Variants in SLC12A6 observed in about 807,000 individuals in gnomAD.
SLC12A6 encodes solute carrier family 12 member 6.
Under a neutral mutation model 135.3 loss-of-function variants are expected in SLC12A6, and 66 were observed. The ratio of observed to expected loss-of-function variants is 0.49; its 90% confidence interval spans 0.40 to 0.60. SLC12A6 has a LOEUF of 0.60. SLC12A6 is among the 20% of genes least tolerant of loss of function. The pLI is 0.00. For missense variants in SLC12A6, 1,058 were observed against 1,452.3 expected (o/e 0.73, Z 4.41); for synonymous variants, 513 against 508.8 (o/e 1.01, Z -0.11).
chr15:34,332,237 G>C (rs11631094), intron 2 of SLC12A6, among the ~76,000 whole-genome samples: 291 of 152,050 alleles, frequency 1.9e-3, no homozygotes, highest in African/African-American at 6.6e-3. Flanking sequence ...ATTAACGGAT[G>C]CTTTTTCTCT....
rs539435287 is a variant in SLC12A6 at position 34,281,892 on chromosome 15, A to G, written c.272-6503T>C. ...AGTGCATACAAAAAGTTAATTCTTTATGTTTCTACACTACCTCATAAAGGA... is the reference window on the plus strand; with the variant it reads ...AGTGCATACAAAAAGTTAATTCTTTGTGTTTCTACACTACCTCATAAAGGA... On this transcript the variant is annotated intron_variant, in intron 2 of 25. Transcript: ENST00000354181. Among the ~76,000 whole-genome samples the G allele has an allele frequency of 2.9e-3, 447 of 152,312 alleles. 3 individuals are homozygous for G. Among genetic ancestry groups the G allele is most frequent in the Non-Finnish European group, 4.8e-3 (329 of 68,042 alleles).
At chr15:34,289,941 G>A (rs934111302) in intron 2 of SLC12A6, among the ~76,000 whole-genome samples, 2 of 152,010 alleles carry the variant, frequency 1.3e-5, no homozygotes, top group African/African-American at 4.8e-5. Context: ...TGGATTCATT[G>A]ATTTTTTTAA....
chr15:34,272,264 G>A (rs896855767), intron 3 of SLC12A6, among the ~76,000 whole-genome samples: 1 of 152,094 alleles, frequency 6.6e-6, no homozygotes, highest in Admixed American at 6.6e-5. Flanking sequence ...GAACCACGGC[G>A]CCTGGTTGGA....
At chr15:34,236,844 A>G in intron 22 of SLC12A6, 29 bp from the exon 23 acceptor site, 2 of 1,256,450 alleles carry the variant, frequency 1.6e-6, no homozygotes, top group Non-Finnish European at 2.3e-6. Context: ...AAAAGGGGCA[A>G]AAAGCACAAA....
chr15:34,271,692 A>AT (rs1352259730), intron 3 of SLC12A6, among the ~76,000 whole-genome samples: 9 of 152,060 alleles, frequency 5.9e-5, no homozygotes, highest in East Asian at 1.9e-4. Flanking sequence ...ACCCTCCCGT[A>AT]TATCTCCTCA....
chr15:34,250,333 A>C lies in SLC12A6; in HGVS notation c.1614T>G (p.Phe538Leu), dbSNP rs1057520062. Residue 538 changes from phenylalanine (F) to leucine (L), a missense_variant, in exon 13 of 26, where the codon TTT becomes TTG. Transcript: ENST00000354181. ...SFVYLSNVVL[F>L]GACIEGVVLR... ...GAACAACCCCTTCAATACATGCACC[A>C]AAAAGGACAACATTGCTTAAATCTA... is the stretch of plus-strand genomic sequence containing the variant. The C allele has an allele frequency of 1.3e-6, 2 of 1,591,526 alleles. No homozygotes were observed. The highest frequency in any genetic ancestry group is 1.7e-6 in the Non-Finnish European group (2 of 1,159,452).
chr15:34,244,211 A>G, intron 15 of SLC12A6, 139 bp from the exon 16 acceptor site: 1 of 679,140 alleles, frequency 1.5e-6, no homozygotes, highest in Non-Finnish European at 2.7e-6. Flanking sequence ...GGAAACTTAA[A>G]CCTCTCCCCA....
At chr15:34,296,975 A>C (rs914806340) in intron 2 of SLC12A6, among the ~76,000 whole-genome samples, 3 of 152,256 alleles carry the variant, frequency 2.0e-5, no homozygotes, top group Non-Finnish European at 4.4e-5. Context: ...TTGAAAATTT[A>C]ACTACAAATG....
intron 3 of SLC12A6, among the ~76,000 whole-genome samples, chr15:34,269,345 C>A (rs1893750073): frequency 6.6e-6 from 1 of 151,718 alleles, no homozygotes. Flanking sequence ...AAAGGTCTTA[C>A]TCTTTATATA....
chr15:34,254,453 C>T lies in SLC12A6; in HGVS notation c.1013G>A (p.Arg338His), dbSNP rs769714833. The T allele has an allele frequency of 3.7e-6, 6 of 1,613,704 alleles. No individual in the cohort carries two copies. Among genetic ancestry groups the T allele is most frequent in the East Asian group, 2.2e-5 (1 of 44,894 alleles). The change falls in exon 9 of 26, where the codon CGC (arginine) becomes CAC (histidine). Residue 338 changes from arginine to histidine, a missense_variant. Physicochemically the swap from Arg to His is conservative, Grantham distance 29 (BLOSUM62 0). Transcript: ENST00000354181. ...AAGTGAGGCAAACTTGTTCACATAG[C>T]GTACGCCGATAAATACCACTAATAC... ...LMVLVVFIGV[R>H]YVNKFASLFL...
intron 2 of SLC12A6, among the ~76,000 whole-genome samples, chr15:34,277,562 T>C (rs1372037133): frequency 6.6e-6 from 1 of 151,968 alleles, no homozygotes; most frequent in African/African-American, 2.4e-5. Flanking sequence ...TTGGGCCCTA[T>C]CATTATGGAG....
At chr15:34,288,051 C>T (rs557620027) in intron 2 of SLC12A6, among the ~76,000 whole-genome samples, 1 of 152,280 alleles carries the variant, frequency 6.6e-6, no homozygotes, top group Non-Finnish European at 1.5e-5. Context: ...AAGTCTTTGC[C>T]TATGCCTGTG....
chr15:34,292,287 G>C (rs1181893402), intron 2 of SLC12A6, among the ~76,000 whole-genome samples: 1 of 152,148 alleles, frequency 6.6e-6, no homozygotes, highest in Non-Finnish European at 1.5e-5. Flanking sequence ...GTCCACTCCA[G>C]ACCCTGTTTG....
rs537099216 is a variant in SLC12A6, at chr15:34,308,488, G to A, written c.271+27922C>T. Among the ~76,000 whole-genome samples, 8 of 152,100 alleles carry A rather than the reference G, an allele frequency of 5.3e-5. No individual in the cohort carries two copies. In the South Asian group the frequency reaches 1.7e-3, roughly 32 times the overall value. ...AAGAATATGAAAATTAGCCGGGCATGGTGGTGCATGTCTGTAATCCCAGCT... is the reference window on the plus strand; with the variant it reads ...AAGAATATGAAAATTAGCCGGGCATAGTGGTGCATGTCTGTAATCCCAGCT... On this transcript the variant is annotated intron_variant, in intron 2 of 25. Coordinates refer to ENST00000354181, the MANE Select transcript of SLC12A6 (RefSeq NM_001365088.1).
rs141140472 is a variant in SLC12A6, at chr15:34,333,354, C to T, written c.271+3056G>A. Reference sequence around the variant, plus strand: ...AAGCAATTCTCCTGTCAAGGCCTCCCGAGCAGCTGGGATTACAGGCGCACG... The same window carrying T: ...AAGCAATTCTCCTGTCAAGGCCTCCTGAGCAGCTGGGATTACAGGCGCACG... On this transcript the variant is annotated intron_variant, in intron 2 of 25. Transcript: ENST00000354181. Among the ~76,000 whole-genome samples the T allele has an allele frequency of 4.7e-3, 710 of 151,964 alleles. 5 individuals carry two copies. The highest frequency in any genetic ancestry group is 0.01 in the Middle Eastern group (3 of 294).
chr15:34,314,511 A>G (rs1379392887), intron 2 of SLC12A6, among the ~76,000 whole-genome samples: 1 of 140,712 alleles, frequency 7.1e-6, no homozygotes, highest in Non-Finnish European at 1.5e-5. Context: ...CATAACATCA[A>G]CAACAGCATC....
intron 3 of SLC12A6, among the ~76,000 whole-genome samples, chr15:34,273,333 A>G (rs1894089658): frequency 6.6e-6 from 1 of 152,226 alleles, no homozygotes; most frequent in South Asian, 2.1e-4. Flanking sequence ...CCTGGGTGAC[A>G]GATCAAGACT....
intron 3 of SLC12A6, among the ~76,000 whole-genome samples, chr15:34,270,831 CA>C (rs60975779): frequency 0.012 from 1,366 of 118,604 alleles, 7 homozygotes; most frequent in African/African-American, 0.03. Context: ...AAACAAAAAA[CA>C]AAAAAAAAAA....
At chr15:34,247,425 G>T (rs1171516684) in intron 13 of SLC12A6, among the ~76,000 whole-genome samples, 1 of 152,026 alleles carries the variant, frequency 6.6e-6, no homozygotes, top group Non-Finnish European at 1.5e-5. Flanking sequence ...GCTGAGGCAG[G>T]AGAATGGCGT....
Sources: gnomAD v4.1 joint callset for allele counts (sites outside exome capture counted in the v4.1 genomes callset) on GRCh38, gnomAD v4.1.1 for gene constraint, MANE v1.5 for transcripts, NCBI Gene and HGNC (gene_info 2026-07-23, HGNC 2026-07-21) for gene names.